Variants in SNTG2 observed in about 807,000 individuals in gnomAD.
The protein encoded by SNTG2 is syntrophin gamma 2.
In SNTG2, 74 loss-of-function variants were observed where a neutral mutation model predicts 70.9. The ratio of observed to expected loss-of-function variants is 1.04; its 90% CI spans 0.86 to 1.27. The LOEUF (loss-of-function observed/expected upper bound fraction) is 1.27, where lower values mean the gene tolerates loss of function less well. Among genes scored for constraint, SNTG2 ranks in the 50% most tolerant of loss-of-function variants. The pLI is 0.00. For missense variants in SNTG2, 717 were observed against 690.7 expected (o/e 1.04, Z -0.43); for synonymous variants, 278 against 273.8 (o/e 1.02, Z -0.15).
intron 4 of SNTG2, among the ~76,000 whole-genome samples, chr2:1,134,695 A>G (rs1469786490): frequency 6.6e-6 from 1 of 152,146 alleles, no homozygotes. Flanking sequence ...CTGCAGGTGG[A>G]GCCGCCTGCC....
At chr2:1,049,058 C>A (rs917923986) in intron 1 of SNTG2, among the ~76,000 whole-genome samples, 1 of 152,092 alleles carries the variant, frequency 6.6e-6, no homozygotes, top group African/African-American at 2.4e-5. Flanking sequence ...ATACAGATTT[C>A]CTATGTACTC....
chr2:1,140,134 A>G (rs954508940), intron 6 of SNTG2, among the ~76,000 whole-genome samples: 1 of 152,248 alleles, frequency 6.6e-6, no homozygotes, highest in Non-Finnish European at 1.5e-5. Context: ...GAAAAATGTC[A>G]GTTGTACTGA....
chr2:1,238,479 T>G (rs953286611), intron 10 of SNTG2, among the ~76,000 whole-genome samples: 16 of 152,352 alleles, frequency 1.1e-4, no homozygotes, highest in South Asian at 1.0e-3. Context: ...CTTCTCAAAT[T>G]TGTACTGCAG....
intron 8 of SNTG2, among the ~76,000 whole-genome samples, chr2:1,192,019 A>T (rs913139053): frequency 3.3e-5 from 5 of 152,232 alleles, no homozygotes; most frequent in Admixed American, 3.3e-4. Context: ...TGCTTGGCAG[A>T]AGACAGTAAA....
chr2:1,043,843 A>G (rs1435667511), intron 1 of SNTG2, among the ~76,000 whole-genome samples: 1 of 152,182 alleles, frequency 6.6e-6, no homozygotes, highest in Non-Finnish European at 1.5e-5. Context: ...AAGTCAGGTC[A>G]TGTGATGCCC....
intron 8 of SNTG2, among the ~76,000 whole-genome samples, chr2:1,194,249 G>T (rs1460830649): frequency 6.6e-6 from 1 of 152,194 alleles, no homozygotes; most frequent in Non-Finnish European, 1.5e-5. Flanking sequence ...TCAGGATGGG[G>T]GGAGAAGCGC....
chr2:1,181,026 A>C (rs375492513), intron 8 of SNTG2, among the ~76,000 whole-genome samples: 1 of 152,062 alleles, frequency 6.6e-6, no homozygotes, highest in Admixed American at 6.6e-5. Flanking sequence ...ATGAGAACAC[A>C]TGGACACAGG....
At chr2:1,018,058 A>G (rs1659966877) in intron 1 of SNTG2, among the ~76,000 whole-genome samples, 1 of 152,240 alleles carries the variant, frequency 6.6e-6, no homozygotes, top group South Asian at 2.1e-4. Flanking sequence ...TAAGAAATGT[A>G]AAGATATTTG....
intron 2 of SNTG2, among the ~76,000 whole-genome samples, chr2:1,088,894 A>G (rs973164192): frequency 4.6e-5 from 7 of 152,232 alleles, no homozygotes; most frequent in African/African-American, 1.7e-4. Context: ...ATTTATTTCC[A>G]AAAGATTTGT....
At chr2:1,089,939 C>G (rs545679054) in intron 2 of SNTG2, among the ~76,000 whole-genome samples, 1 of 152,314 alleles carries the variant, frequency 6.6e-6, no homozygotes, top group Non-Finnish European at 1.5e-5. Flanking sequence ...GTGAAGTGTG[C>G]CTCCACATCT....
At chr2:1,026,617 A>C (rs1419159865) in intron 1 of SNTG2, among the ~76,000 whole-genome samples, 1 of 152,138 alleles carries the variant, frequency 6.6e-6, no homozygotes, top group Non-Finnish European at 1.5e-5. Flanking sequence ...ATTGTTGACA[A>C]CCCTGCACTC....
At chr2:1,310,397 C>T (rs949694479) in intron 15 of SNTG2, among the ~76,000 whole-genome samples, 20 of 152,172 alleles carry the variant, frequency 1.3e-4, no homozygotes, top group East Asian at 1.9e-4. Flanking sequence ...CCAGAGGTCA[C>T]GTGTCTCTCT....
At chr2:1,191,195 T>G (rs1253483595) in intron 8 of SNTG2, among the ~76,000 whole-genome samples, 1 of 152,212 alleles carries the variant, frequency 6.6e-6, no homozygotes, top group Non-Finnish European at 1.5e-5. Flanking sequence ...AATTTCTCCC[T>G]TATCATATCT....
At chr2:1,227,743 C>T (rs919224357) in intron 9 of SNTG2, among the ~76,000 whole-genome samples, 3 of 152,204 alleles carry the variant, frequency 2.0e-5, no homozygotes, top group Admixed American at 6.5e-5. Context: ...TTAATCATTT[C>T]CTCTGAGACA....
intron 1 of SNTG2, among the ~76,000 whole-genome samples, chr2:996,535 A>T (rs1173257293): frequency 1.3e-5 from 2 of 152,108 alleles, no homozygotes; most frequent in Non-Finnish European, 2.9e-5. Context: ...TGCCACAAAC[A>T]TTGTGTGTAT....
intron 1 of SNTG2, among the ~76,000 whole-genome samples, chr2:1,061,400 T>C (rs1662816261): frequency 6.6e-6 from 1 of 152,262 alleles, no homozygotes; most frequent in South Asian, 2.1e-4. Flanking sequence ...GAAGTGCTGA[T>C]TGCCTTTGTT....
Position 1,367,508 on chromosome 2 carries a change from T to C in SNTG2, c.*34T>C, listed in dbSNP as rs1417548561. The C allele has an allele frequency of 6.5e-7, 1 of 1,545,424 alleles. No homozygotes were observed. Among genetic ancestry groups the C allele is most frequent in the Non-Finnish European group, 8.7e-7 (1 of 1,144,198 alleles). On this transcript the variant is annotated 3_prime_UTR_variant, in exon 17 of 17. Transcript: ENST00000308624. ...TCTGTTGAGTGCTGAAAAATTAAAT[T>C]ATTTTCGTAAGAAATGATTCTTTCC...
chr2:1,196,210 A>G (rs879556276), intron 8 of SNTG2, among the ~76,000 whole-genome samples: 2 of 152,210 alleles, frequency 1.3e-5, no homozygotes, highest in East Asian at 1.9e-4. Context: ...TTAGAACTCA[A>G]TAACTCAATG....
In SNTG2 at chr2:1,162,865, C is replaced by T. The variant is rs115063795; in HGVS notation, c.412-2683C>T. Among the ~76,000 whole-genome samples, 852 of 152,306 alleles carry T rather than the reference C, an allele frequency of 5.6e-3. 7 individuals carry two copies. Among genetic ancestry groups the T allele is most frequent in the African/African-American group, 0.019 (790 of 41,566 alleles). The stretch of plus-strand genomic sequence containing the variant: ...TGGTCAGAGGAGGGCTTCTATTTCA[C>T]AGTCACTTTGTACTGCAGCAGCCTG... On this transcript the variant is annotated intron_variant, in intron 6 of 16. Coordinates refer to ENST00000308624, the MANE Select transcript of SNTG2 (RefSeq NM_018968.4).
Sources: gnomAD v4.1 joint callset for allele counts (sites outside exome capture counted in the v4.1 genomes callset) on GRCh38, gnomAD v4.1.1 for gene constraint, MANE v1.5 for transcripts, NCBI Gene and HGNC (gene_info 2026-07-23, HGNC 2026-07-21) for gene names.